Variants in VWA8 observed in about 807,000 individuals in gnomAD.
The protein encoded by VWA8 is von Willebrand factor A domain-containing protein 8.
VWA8 carries 221 observed loss-of-function variants against 241.5 expected under a neutral mutation model. That is an observed-to-expected ratio of 0.91 (90% confidence interval 0.82 to 1.02). The LOEUF is 1.02. VWA8 is among the 50% of genes least tolerant of loss of function. The pLI, the probability that VWA8 is intolerant of heterozygous loss-of-function variation, is 0.00. For missense variants in VWA8, 2,322 were observed against 2,328.7 expected, an observed-to-expected ratio of 1.00 and a Z score of 0.06; for synonymous variants, 852 against 827.1, an observed-to-expected ratio of 1.03 and a Z score of -0.52.
intron 9 of VWA8, among the ~76,000 whole-genome samples, chr13:41,873,906 C>T (rs1466276235): frequency 3.9e-5 from 6 of 152,152 alleles, no homozygotes; most frequent in Non-Finnish European, 7.4e-5. Flanking sequence ...GACCAATATC[C>T]TTGATGAACA....
intron 40 of VWA8, among the ~76,000 whole-genome samples, chr13:41,600,546 T>C (rs2044514676): frequency 6.6e-6 from 1 of 152,098 alleles, no homozygotes; most frequent in East Asian, 1.9e-4. Context: ...TGTCCCTCTA[T>C]TCAGATGACC....
At chr13:41,651,812 T>C (rs2044871287) in intron 37 of VWA8, among the ~76,000 whole-genome samples, 1 of 152,208 alleles carries the variant, frequency 6.6e-6, no homozygotes, top group South Asian at 2.1e-4. Flanking sequence ...GGGACTCTTC[T>C]AGAGCTTGTA....
intron 39 of VWA8, among the ~76,000 whole-genome samples, chr13:41,606,364 C>A (rs1246555009): frequency 1.3e-5 from 2 of 151,918 alleles, no homozygotes; most frequent in African/African-American, 4.8e-5. Context: ...CATCTTAAAC[C>A]GTCAGTAGAA....
intron 4 of VWA8, among the ~76,000 whole-genome samples, chr13:41,903,728 T>C (rs1875567984): frequency 6.6e-6 from 1 of 152,170 alleles, no homozygotes; most frequent in African/African-American, 2.4e-5. Context: ...TATAGAGTGA[T>C]GTAGGCCATA....
At chr13:41,850,960 T>C (rs1182387519) in intron 12 of VWA8, among the ~76,000 whole-genome samples, 1 of 152,110 alleles carries the variant, frequency 6.6e-6, no homozygotes, top group Non-Finnish European at 1.5e-5. Context: ...AGGAAAACAA[T>C]ATACAAACAA....
chr13:41,759,797 T>C (rs1566445343), intron 21 of VWA8, among the ~76,000 whole-genome samples: 1 of 151,792 alleles, frequency 6.6e-6, no homozygotes, highest in South Asian at 2.1e-4. Context: ...GCTATGTTGC[T>C]GAGTGTTTGG....
intron 3 of VWA8, among the ~76,000 whole-genome samples, chr13:41,910,595 A>C (rs1018765900): frequency 4.6e-5 from 7 of 151,882 alleles, no homozygotes; most frequent in Non-Finnish European, 5.9e-5. Flanking sequence ...AAAAAAACAA[A>C]AAAAAAAAAC....
intron 26 of VWA8, among the ~76,000 whole-genome samples, chr13:41,717,506 A>ATGAC (rs1846692667): frequency 6.6e-6 from 1 of 151,934 alleles, no homozygotes; most frequent in African/African-American, 2.4e-5. Flanking sequence ...AGGTGAACAT[A>ATGAC]TGACTAACTG....
rs1454151835 is a variant in VWA8 at position 41,761,209 on chromosome 13, A to AAT, written c.2350-7_2350-6dup. The AAT allele has an allele frequency of 3.7e-6, 6 of 1,610,466 alleles. No individual in the cohort carries two copies. The African/African-American group carries it at 6.7e-5, about 18-fold the overall frequency. ...AATCTTGTTTTTTCCTACACCCTGT[A>AAT]ATTACACAGAAAACATTAAACAAAA... On this transcript the variant is annotated splice_polypyrimidine_tract_variant and splice_region_variant and intron_variant, in intron 20 of 44. Coordinates refer to ENST00000379310, the MANE Select transcript of VWA8 (RefSeq NM_015058.2).
At chr13:41,944,305 A>C (rs1381610719) in intron 2 of VWA8, among the ~76,000 whole-genome samples, 1 of 152,056 alleles carries the variant, frequency 6.6e-6, no homozygotes, top group Non-Finnish European at 1.5e-5. Context: ...CATTTATGTA[A>C]GAAAAGGGGT....
At chr13:41,616,308 C>G (rs2044619701) in intron 37 of VWA8, among the ~76,000 whole-genome samples, 1 of 152,162 alleles carries the variant, frequency 6.6e-6, no homozygotes, top group African/African-American at 2.4e-5. Flanking sequence ...ATTAGCTGGA[C>G]TTTTCTGCAA....
intron 20 of VWA8, among the ~76,000 whole-genome samples, chr13:41,772,916 C>G (rs1265429790): frequency 6.6e-6 from 1 of 152,172 alleles, no homozygotes; most frequent in Non-Finnish European, 1.5e-5. Context: ...CACCCATTTT[C>G]TTTAATTTCC....
intron 3 of VWA8, among the ~76,000 whole-genome samples, chr13:41,908,415 T>C (rs1490702351): frequency 6.6e-6 from 1 of 150,434 alleles, no homozygotes; most frequent in Non-Finnish European, 1.5e-5. Flanking sequence ...GAGGTTGCAG[T>C]AAGCCGAGAT....
At chr13:41,615,117 C>T in intron 37 of VWA8, 33 bp from the exon 38 acceptor site, 1 of 1,609,318 alleles carries the variant, frequency 6.2e-7, no homozygotes, top group East Asian at 2.2e-5. Context: ...TTTTTACTAT[C>T]CTGTGACAAA....
intron 32 of VWA8, among the ~76,000 whole-genome samples, 164 bp from the exon 33 acceptor site, chr13:41,690,439 C>T (rs1225075735): frequency 6.6e-6 from 1 of 152,082 alleles, no homozygotes; most frequent in East Asian, 1.9e-4. Flanking sequence ...CTTCTCAACA[C>T]TGTGTTAAAG....
intron 37 of VWA8, among the ~76,000 whole-genome samples, chr13:41,647,991 G>GA (rs111815070): frequency 3.0e-4 from 42 of 141,532 alleles, no homozygotes; most frequent in African/African-American, 3.9e-4. Context: ...TTTGTCTCAG[G>GA]AAAAAAAAAA....
Position 41,726,926 on chromosome 13 carries a change from C to T in VWA8, c.2758+268G>A, listed in dbSNP as rs141737400. On this transcript the variant is annotated intron_variant, in intron 24 of 44. Transcript: ENST00000379310. ...AGAAGAATCGCTTGAACCCGGGTGGCGGAAGTTGTAGTGGGCCGAGATCAT... is the reference window on the plus strand; with the variant it reads ...AGAAGAATCGCTTGAACCCGGGTGGTGGAAGTTGTAGTGGGCCGAGATCAT... 5.9e-5 allele frequency among the ~76,000 whole-genome samples: 9 copies of T among 152,026 alleles called. No homozygotes were observed. The East Asian group carries it at 9.6e-4, about 16-fold the overall frequency.
chr13:41,758,568 G>A (rs1463711202), intron 21 of VWA8, among the ~76,000 whole-genome samples: 2 of 145,234 alleles, frequency 1.4e-5, no homozygotes. Context: ...TGTATCTTAT[G>A]ACCTTGTTTA....
intron 2 of VWA8, among the ~76,000 whole-genome samples, chr13:41,920,761 G>C (rs1301903342): frequency 6.6e-6 from 1 of 152,104 alleles, no homozygotes; most frequent in African/African-American, 2.4e-5. Flanking sequence ...TCCCTGAAAA[G>C]ACCAATAACA....
Sources: gnomAD v4.1 joint callset for allele counts (sites outside exome capture counted in the v4.1 genomes callset) on GRCh38, gnomAD v4.1.1 for gene constraint, MANE v1.5 for transcripts, NCBI Gene and HGNC (gene_info 2026-07-23, HGNC 2026-07-21) for gene names.